The following THRAP3 variants were observed in gnomAD, a reference collection of about 807,000 sequenced individuals.
The protein encoded by THRAP3 is thyroid hormone receptor-associated protein 3.
In THRAP3, 16 loss-of-function variants were observed where a neutral mutation model predicts 101.0. The ratio of observed to expected loss-of-function variants is 0.16; its 90% CI spans 0.11 to 0.24. The LOEUF (loss-of-function observed/expected upper bound fraction) is 0.24, where lower values mean the gene tolerates loss of function less well. THRAP3 is among the 10% of genes least tolerant of loss of function. The pLI is 1.00. For missense variants in THRAP3, 989 were observed against 1,202.7 expected (o/e 0.82, Z 2.63); for synonymous variants, 407 against 422.6 (o/e 0.96, Z 0.45).
chr1:36,244,428 G>A (rs1298655377), intron 1 of THRAP3, among the ~76,000 whole-genome samples: 1 of 152,142 alleles, frequency 6.6e-6, no homozygotes, highest in Non-Finnish European at 1.5e-5. Context: ...TCTCCAGCAT[G>A]AGCAAACTGA....
At chr1:36,243,428 G>GT (rs1645188309) in intron 1 of THRAP3, among the ~76,000 whole-genome samples, 1 of 151,884 alleles carries the variant, frequency 6.6e-6, no homozygotes, top group Admixed American at 6.6e-5. Context: ...TCAAGCATCT[G>GT]TTTAACAAAG....
chr1:36,252,113 GTTTATT>G (rs1553193929), intron 1 of THRAP3, among the ~76,000 whole-genome samples: 2 of 152,064 alleles, frequency 1.3e-5, no homozygotes, highest in African/African-American at 2.4e-5. Flanking sequence ...ATTCATGAGG[GTTTATT>G]TTTATTTTTA....
chr1:36,226,539 G>T (rs181723686), intron 1 of THRAP3, among the ~76,000 whole-genome samples: 1 of 152,126 alleles, frequency 6.6e-6, no homozygotes, highest in Non-Finnish European at 1.5e-5. Flanking sequence ...GATTACAGGC[G>T]TAAGCCACCG....
chr1:36,240,335 T>C (rs180837035), intron 1 of THRAP3, among the ~76,000 whole-genome samples: 67 of 152,284 alleles, frequency 4.4e-4, no homozygotes, highest in Non-Finnish European at 8.1e-4. Context: ...GGGAGGCCTC[T>C]AGTGCAAGTC....
intron 2 of THRAP3, among the ~76,000 whole-genome samples, chr1:36,271,201 C>T (rs1249226391): frequency 6.6e-6 from 1 of 152,156 alleles, no homozygotes; most frequent in East Asian, 1.9e-4. Context: ...GTAAGTTCTA[C>T]CAAATTCCAC....
chr1:36,221,784 C>T (rs190307777), upstream of THRAP3, among the ~76,000 whole-genome samples: 6 of 150,166 alleles, frequency 4.0e-5, no homozygotes, highest in East Asian at 1.2e-3. Context: ...CGGAGTTTCA[C>T]CGTGTTGGTC....
the THRAP3 span, among the ~76,000 whole-genome samples, chr1:36,213,875 G>A: frequency 3.3e-5 from 4 of 119,698 alleles, no homozygotes; most frequent in Non-Finnish European, 5.3e-5. Context: ...AAAGAAAGAA[G>A]GAAAGGAAAG....
At chr1:36,238,861 CAAGT>C (rs1330446759) in intron 1 of THRAP3, among the ~76,000 whole-genome samples, 2 of 152,112 alleles carry the variant, frequency 1.3e-5, no homozygotes, top group Non-Finnish European at 2.9e-5. Flanking sequence ...CTCAGCTTCA[CAAGT>C]AAGTAGCTGG....
intron 5 of THRAP3, among the ~76,000 whole-genome samples, 157 bp downstream of exon 5, chr1:36,289,921 C>T (rs1457717374): frequency 2.0e-5 from 3 of 152,088 alleles, no homozygotes; most frequent in Non-Finnish European, 4.4e-5. Context: ...GAGTATGTGT[C>T]ACAGAGTGAT....
At position 36,304,069 on chromosome 1, in the gene THRAP3, G is replaced by A. The variant is rs1447036257; in HGVS notation, c.*52G>A. On this transcript the variant is annotated 3_prime_UTR_variant, in exon 12 of 12. Transcript: ENST00000354618. ...CAGGGGAGAGAGGCGCTGGGAAGAT[G>A]GCTGGTGAGGAGCTTAACAGAGGAA... The A allele has an allele frequency of 6.9e-7, 1 of 1,453,152 alleles. No homozygotes were observed. The highest frequency in any genetic ancestry group is 2.9e-5 in the Admixed American group (1 of 34,610). 90.0% of individuals were successfully genotyped at this position (1,453,152 alleles called of 1,614,324 possible).
At chr1:36,227,287 C>CT (rs147792265) in intron 1 of THRAP3, among the ~76,000 whole-genome samples, 137 of 146,190 alleles carry the variant, frequency 9.4e-4, no homozygotes, top group East Asian at 3.7e-3. Flanking sequence ...TTATTTACAA[C>CT]TTTTTTTTTT....
chr1:36,262,938 G>A (rs1243400798), intron 2 of THRAP3, among the ~76,000 whole-genome samples: 1 of 146,356 alleles, frequency 6.8e-6, no homozygotes, highest in East Asian at 2.0e-4. Flanking sequence ...GACTACAGGC[G>A]CCCGCCACCA....
chr1:36,296,620 G>A lies in THRAP3; in HGVS notation c.2153G>A (p.Arg718His), dbSNP rs1330733410. The change falls in exon 9 of 12, where the codon CGC becomes CAC. Residue 718 changes from arginine (R) to histidine (H), a missense_variant. Transcript: ENST00000354618. Reference protein sequence around the residue: ...GKYKDDPVDLRLDIERRKKHK... With the variant: ...GKYKDDPVDLHLDIERRKKHK... ...TACAAAGATGATCCTGTTGATCTCC[G>A]CCTTGATATTGAACGTCGTAAAAAA... 4 of 1,587,502 alleles carry A rather than the reference G, an allele frequency of 2.5e-6. No homozygotes were observed. Among genetic ancestry groups the A allele is most frequent in the South Asian group, 1.2e-5 (1 of 85,896 alleles).
At position 36,252,866 on chromosome 1, in the gene THRAP3, C is replaced by G. The variant is rs150339877; in HGVS notation, c.-134-6516C>G. Among the ~76,000 whole-genome samples, 556 of 148,498 alleles carry G rather than the reference C, an allele frequency of 3.7e-3. 20 individuals are homozygous for G. The East Asian group carries it at 0.074, about 20-fold the overall frequency. ...GGGTTGCACTGAGCCAAGACCATGC[C>G]ACTGCACGCCAGCCTGGGTGACAGA... is the stretch of plus-strand genomic sequence containing the variant. On this transcript the variant is annotated intron_variant, in intron 1 of 11. Transcript: ENST00000354618.
chr1:36,240,858 T>G (rs1645146378), intron 1 of THRAP3, among the ~76,000 whole-genome samples: 1 of 152,204 alleles, frequency 6.6e-6, no homozygotes. Context: ...TGGCTGCAGT[T>G]TTTCACTAAG....
At chr1:36,290,488 C>T (rs1056254637) in intron 5 of THRAP3, among the ~76,000 whole-genome samples, 3 of 152,036 alleles carry the variant, frequency 2.0e-5, no homozygotes, top group African/African-American at 7.2e-5. Context: ...GCACCCAGCC[C>T]AGAATCTCTC....
chr1:36,239,266 T>C (rs895502458), intron 1 of THRAP3, among the ~76,000 whole-genome samples: 4 of 149,542 alleles, frequency 2.7e-5, no homozygotes, highest in Non-Finnish European at 4.5e-5. Flanking sequence ...TCTTTTTTTT[T>C]TTTTTTTTTT....
chr1:36,287,653 C>G, intron 4 of THRAP3: 1 of 985,434 alleles, frequency 1.0e-6, no homozygotes. Context: ...CACCCACCAT[C>G]TACTATGTTC....
chr1:36,215,227 C>A, the THRAP3 span, among the ~76,000 whole-genome samples: 1 of 151,916 alleles, frequency 6.6e-6, no homozygotes, highest in Admixed American at 6.6e-5. Context: ...CAAAAAAAAA[C>A]AAAAACAAAA....
Sources: gnomAD v4.1 joint callset for allele counts (sites outside exome capture counted in the v4.1 genomes callset) on GRCh38, gnomAD v4.1.1 for gene constraint, MANE v1.5 for transcripts, NCBI Gene and HGNC (gene_info 2026-07-23, HGNC 2026-07-21) for gene names.